The following CACNA1D variants were observed in gnomAD, a reference collection of about 807,000 sequenced individuals.
The protein encoded by CACNA1D is calcium voltage-gated channel subunit alpha1 D.
In CACNA1D, 55 loss-of-function variants were observed where a neutral mutation model predicts 257.1. That is an observed-to-expected ratio of 0.21 (90% CI 0.17 to 0.27). CACNA1D has a LOEUF of 0.27. Among genes scored for constraint, CACNA1D ranks in the 10% least tolerant of loss-of-function variants. The pLI, the probability that CACNA1D is intolerant of heterozygous loss-of-function variation, is 1.00. For synonymous variants in CACNA1D, 980 were observed against 1,014.9 expected, an observed-to-expected ratio of 0.97 and a Z score of 0.65; for missense variants, 1,876 against 2,784.0, an observed-to-expected ratio of 0.67 and a Z score of 7.34.
chr3:53,607,078 A>G (rs1390994704), intron 3 of CACNA1D, among the ~76,000 whole-genome samples: 1 of 152,252 alleles, frequency 6.6e-6, no homozygotes, highest in Non-Finnish European at 1.5e-5. Flanking sequence ...TGTTTTGGCT[A>G]TGAAAAATAA....
At chr3:53,535,016 C>T (rs551548041) in intron 3 of CACNA1D, among the ~76,000 whole-genome samples, 129 of 152,142 alleles carry the variant, frequency 8.5e-4, no homozygotes, top group Non-Finnish European at 1.3e-3. Flanking sequence ...CTCCAATAGG[C>T]CGGCACCTTT....
intron 3 of CACNA1D, among the ~76,000 whole-genome samples, chr3:53,615,306 AAAT>A (rs1334208154): frequency 6.6e-6 from 1 of 152,182 alleles, no homozygotes; most frequent in Non-Finnish European, 1.5e-5. Context: ...GAAGCCATGG[AAAT>A]AATAAGAGAT....
intron 3 of CACNA1D, among the ~76,000 whole-genome samples, chr3:53,548,369 TTTAA>T (rs1326229184): frequency 3.6e-5 from 5 of 137,392 alleles, no homozygotes; most frequent in Non-Finnish European, 6.0e-5. Context: ...TTTTTTTTTT[TTTAA>T]AAATTATCTT....
chr3:53,624,971 G>A (rs1441997965), intron 3 of CACNA1D, among the ~76,000 whole-genome samples: 1 of 152,190 alleles, frequency 6.6e-6, no homozygotes, highest in African/African-American at 2.4e-5. Flanking sequence ...ATAAAGGGTT[G>A]GAGAGGGGAT....
intron 8 of CACNA1D, among the ~76,000 whole-genome samples, chr3:53,679,967 G>C (rs2094413906): frequency 6.6e-6 from 1 of 152,138 alleles, no homozygotes; most frequent in South Asian, 2.1e-4. Flanking sequence ...TTCTAATAAA[G>C]AACCTAGCTA....
At chr3:53,562,645 A>G (rs1225575034) in intron 3 of CACNA1D, among the ~76,000 whole-genome samples, 6 of 132,050 alleles carry the variant, frequency 4.5e-5, no homozygotes, top group Non-Finnish European at 1.8e-5. Context: ...TAACATTTTC[A>G]TAAATGCCTC....
intron 28 of CACNA1D, among the ~76,000 whole-genome samples, chr3:53,752,474 A>ACTGCAACCTCCGCCTCC (rs1411588514): frequency 6.6e-6 from 1 of 152,152 alleles, no homozygotes; most frequent in Non-Finnish European, 1.5e-5. Context: ...ATCTCGGCTC[A>ACTGCAACCTCCGCCTCC]CTGCAACCTC....
At chr3:53,660,487 T>G (rs1369683452) in intron 5 of CACNA1D, among the ~76,000 whole-genome samples, 1 of 152,136 alleles carries the variant, frequency 6.6e-6, no homozygotes, top group Non-Finnish European at 1.5e-5. Context: ...GTCATTCTGA[T>G]TTTGTGGACG....
chr3:53,799,199 G>A (rs1002043857), intron 40 of CACNA1D, among the ~76,000 whole-genome samples: 1 of 152,208 alleles, frequency 6.6e-6, no homozygotes, highest in Non-Finnish European at 1.5e-5. Context: ...TCAGATGCAG[G>A]ACTTTCTGTG....
At chr3:53,757,851 C>T (rs2095275162) in intron 29 of CACNA1D, among the ~76,000 whole-genome samples, 1 of 152,214 alleles carries the variant, frequency 6.6e-6, no homozygotes, top group Admixed American at 6.5e-5. Context: ...CATCCTCACC[C>T]CAGCCAGAGC....
chr3:53,571,818 C>T (rs10490772), intron 3 of CACNA1D, among the ~76,000 whole-genome samples: 16,909 of 152,194 alleles, frequency 0.11, 1,200 homozygotes, highest in Middle Eastern at 0.23. Flanking sequence ...TCCTGTGTGA[C>T]GATGACTGTG....
intron 5 of CACNA1D, among the ~76,000 whole-genome samples, chr3:53,664,349 C>T (rs967196815): frequency 2.0e-5 from 3 of 152,150 alleles, no homozygotes; most frequent in Non-Finnish European, 4.4e-5. Context: ...GTTCTGGTCT[C>T]ATCCTGATCT....
intron 3 of CACNA1D, among the ~76,000 whole-genome samples, chr3:53,644,551 A>G (rs562617827): frequency 4.6e-5 from 7 of 152,160 alleles, no homozygotes; most frequent in Non-Finnish European, 1.0e-4. Flanking sequence ...GACTCCTCAT[A>G]TAAGTGAGAT....
intron 3 of CACNA1D, among the ~76,000 whole-genome samples, chr3:53,645,471 T>C (rs1203945734): frequency 2.0e-5 from 3 of 152,188 alleles, no homozygotes; most frequent in Non-Finnish European, 1.5e-5. Context: ...AAGTCTTTGA[T>C]CCATTTTGAG....
intron 3 of CACNA1D, among the ~76,000 whole-genome samples, chr3:53,628,970 T>C (rs1397041410): frequency 1.3e-5 from 2 of 152,256 alleles, no homozygotes; most frequent in East Asian, 3.8e-4. Flanking sequence ...AAGAGCATTC[T>C]ATCTCATGAG....
intron 27 of CACNA1D, 75 bp downstream of exon 27, chr3:53,749,544 C>T: frequency 9.3e-7 from 1 of 1,072,102 alleles, no homozygotes; most frequent in Non-Finnish European, 1.4e-6. Flanking sequence ...CTGATTTCCC[C>T]CATACCCAGA....
At chr3:53,742,429 A>G (rs1251403190) in intron 21 of CACNA1D, among the ~76,000 whole-genome samples, 1 of 152,186 alleles carries the variant, frequency 6.6e-6, no homozygotes, top group Non-Finnish European at 1.5e-5. Context: ...CTCAGGTGAG[A>G]TGCCACCTGG....
chr3:53,812,550 A>G lies in CACNA1D; in HGVS notation c.*1144A>G, dbSNP rs1559737809. Reference sequence around the variant, plus strand: ...ACCTTTGGATCCACCATGGGTTGCAACTGTCTTTGGTTTTGTTTGTTTGAC... The same window carrying G: ...ACCTTTGGATCCACCATGGGTTGCAGCTGTCTTTGGTTTTGTTTGTTTGAC... On this transcript the variant is annotated 3_prime_UTR_variant, in exon 48 of 48. Transcript: ENST00000350061. The G allele has an allele frequency of 1.3e-5, 2 of 149,186 alleles. No homozygotes were observed. Among genetic ancestry groups the G allele is most frequent in the African/African-American group, 5.1e-5 (2 of 39,382 alleles). The allele number at this position is 149,186 out of a possible 1,614,324, so 9.2% of individuals were successfully genotyped here.
chr3:53,723,412 G>T lies in CACNA1D; in HGVS notation c.1667-22G>T, dbSNP rs755504803. Reference sequence around the variant, plus strand: ...GTGTCTTGCAGGAGACCCTGAGGATGGGTGCCCCTTTGTCTTTCCAGATAT... The same window carrying T: ...GTGTCTTGCAGGAGACCCTGAGGATTGGTGCCCCTTTGTCTTTCCAGATAT... On this transcript the variant is annotated intron_variant, in intron 12 of 47. Coordinates refer to ENST00000350061, the MANE Select transcript of CACNA1D (RefSeq NM_001128840.3). This position sits in a 1 kb window ranked among gnomAD's most constrained non-coding sequence, Gnocchi z 5.6. 2 of 1,582,986 alleles carry T rather than the reference G, an allele frequency of 1.3e-6. No homozygotes were observed. The highest frequency in any genetic ancestry group is 2.7e-5 in the African/African-American group (2 of 74,426).
Sources: gnomAD v4.1 joint callset for allele counts (sites outside exome capture counted in the v4.1 genomes callset) on GRCh38, gnomAD v4.1.1 for gene constraint, Gnocchi (gnomAD v3.1) non-coding constraint, MANE v1.5 for transcripts, NCBI Gene and HGNC (gene_info 2026-07-23, HGNC 2026-07-21) for gene names.